The following KCP variants were observed in gnomAD, a reference collection of about 807,000 sequenced individuals.
KCP encodes kielin/chordin-like protein.
KCP carries 194 observed loss-of-function variants against 212.7 expected under a neutral mutation model. The observed-to-expected ratio is 0.91, with a 90% CI of 0.81 to 1.03. The LOEUF (loss-of-function observed/expected upper bound fraction) is 1.03, where lower values mean the gene tolerates loss of function less well. Ranked by LOEUF, KCP falls within the 50% of genes least tolerant of loss-of-function variation. The pLI is 0.00. For synonymous variants in KCP, 833 were observed against 865.3 expected, an observed-to-expected ratio of 0.96 and a Z score of 0.65; for missense variants, 2,080 against 2,162.5, an observed-to-expected ratio of 0.96 and a Z score of 0.76.
At chr7:128,887,036 G>T in intron 23 of KCP, 70 bp from the exon 24 acceptor site, 1 of 1,022,150 alleles carries the variant, frequency 9.8e-7, no homozygotes, top group Non-Finnish European at 1.5e-6. Flanking sequence ...CCCCTACTGA[G>T]CCTGCAGGGG....
intron 37 of KCP, chr7:128,879,021 G>A (rs1490803800): frequency 2.5e-5 from 11 of 438,056 alleles, no homozygotes; most frequent in South Asian, 4.0e-5. Flanking sequence ...ACCCCCTTCC[G>A]GGGATTCACT....
At chr7:128,877,849 C>A in intron 38 of KCP, 59 bp from the exon 39 acceptor site, 1 of 1,451,886 alleles carries the variant, frequency 6.9e-7, no homozygotes, top group South Asian at 1.3e-5. Flanking sequence ...CTCTGCATGC[C>A]GTGCTCTTCA....
rs1405647673 is a variant in KCP at position 128,891,176 on chromosome 7, G to C, written c.1972+9C>G. On this transcript the variant is annotated intron_variant, in intron 19 of 39. Transcript: ENST00000610776. ...CCAGGGAGGAGCAGCCGAGGGGTGC[G>C]GCCCCTACCTGGGCACTGCGGGCAG... 2 of 1,541,836 alleles carry C rather than the reference G, an allele frequency of 1.3e-6. No individual in the cohort carries two copies. Among genetic ancestry groups the C allele is most frequent in the Non-Finnish European group, 1.7e-6 (2 of 1,146,326 alleles).
Position 128,883,994 on chromosome 7 carries a change from G to A in KCP, c.3244+8C>T. The A allele has an allele frequency of 1.3e-6, 2 of 1,548,006 alleles. No homozygotes were observed. The highest frequency in any genetic ancestry group is 8.7e-7 in the Non-Finnish European group (1 of 1,146,088). ...ATATCTCATCTACCCCCACATCCCT[G>A]GACTCACCGGCACAGGTGGGACAGC... On this transcript the variant is annotated splice_region_variant and intron_variant, in intron 29 of 39. Transcript: ENST00000610776.
intron 8 of KCP, 34 bp downstream of exon 8, chr7:128,902,743 A>G (rs1364679955): frequency 6.5e-7 from 1 of 1,529,854 alleles, no homozygotes; most frequent in Admixed American, 2.0e-5. Flanking sequence ...GAGGGCAGGG[A>G]GGGGGACAGA....
rs1431804539 is a variant in KCP at position 128,906,321 on chromosome 7, G to C, written c.529C>G (p.Pro177Ala). Reference protein sequence around the residue: ...TCNQKPCPRGPCPEPGACCPH... With the variant: ...TCNQKPCPRGACPEPGACCPH... ...CAGCATGCTCCTGGCTCAGGGCAGG[G>C]TCCTCTTGGGCATGGCTTCTGGTTG... Residue 177 changes from proline (P) to alanine (A), a missense_variant, in exon 5 of 40, where the codon CCC (proline) becomes GCC (alanine). By Grantham distance (27) the Pro-to-Ala change is conservative. Coordinates refer to ENST00000610776, the MANE Select transcript of KCP (RefSeq NM_001366122.1). 1 of 1,550,712 alleles carries C rather than the reference G, an allele frequency of 6.4e-7. No individual in the cohort carries two copies. Among genetic ancestry groups the C allele is most frequent in the Admixed American group, 2.0e-5 (1 of 51,008 alleles).
At position 128,882,003 on chromosome 7, in the gene KCP, G is replaced by A. The variant is rs1793363616; in HGVS notation, c.3258C>T (p.Asn1086=). ...CCPTCAEALS[N]CSEGLLGSEL... is the part of the protein sequence containing the mutation. ...CAGATCCCAGCAGGCCCTCTGAACA[G>A]TTACTCAAGGCCTCTGTGAAGACAA... The change falls in exon 30 of 40, where the codon AAC becomes AAT. Residue 1086 remains asparagine (N), a synonymous_variant. Transcript: ENST00000610776. The A allele has an allele frequency of 3.2e-6, 5 of 1,551,192 alleles. No individual in the cohort carries two copies. The highest frequency in any genetic ancestry group is 4.4e-6 in the Non-Finnish European group (5 of 1,146,900).
Position 128,889,058 on chromosome 7 carries a change from A to G in KCP, c.2336-19T>C. 1.4e-6 allele frequency: 2 copies of G among 1,473,598 alleles called. No homozygotes were observed. Among genetic ancestry groups the G allele is most frequent in the Non-Finnish European group, 1.8e-6 (2 of 1,105,720 alleles). The allele number at this position is 1,473,598 out of a possible 1,614,324, so 91.3% of individuals were successfully genotyped here. A position where few individuals can be genotyped will look rare whatever the true frequency, so the allele number is the denominator to read the frequency against. ...TCACAGCCTTTCAGAGAAGAGACAG[A>G]GAGGCCGAGGGGAGGGACAGAAAGG... On this transcript the variant is annotated intron_variant, in intron 21 of 39. Coordinates refer to ENST00000610776, the MANE Select transcript of KCP (RefSeq NM_001366122.1).
At chr7:128,888,578 G>A (rs1242716067) in intron 22 of KCP, among the ~76,000 whole-genome samples, 1 of 104,312 alleles carries the variant, frequency 9.6e-6, no homozygotes, top group Non-Finnish European at 2.0e-5. Flanking sequence ...ATATACACAC[G>A]GCCACACACA....
chr7:128,902,338 A>C (rs778538116), intron 8 of KCP, among the ~76,000 whole-genome samples: 1 of 152,248 alleles, frequency 6.6e-6, no homozygotes, highest in Admixed American at 6.5e-5. Flanking sequence ...TTTCATAGGA[A>C]GTCTTTGAAA....
At chr7:128,882,975 G>A (rs1433030226) in intron 29 of KCP, among the ~76,000 whole-genome samples, 1 of 152,008 alleles carries the variant, frequency 6.6e-6, no homozygotes, top group African/African-American at 2.4e-5. Flanking sequence ...GGGAGGCTGA[G>A]GCAGGTGAAT....
At chr7:128,886,805 C>A (rs1793676875) in intron 24 of KCP, 68 bp from the exon 25 acceptor site, 2 of 1,482,700 alleles carry the variant, frequency 1.3e-6, no homozygotes, top group Admixed American at 4.0e-5. Flanking sequence ...AGCCTTAGGC[C>A]TGGCAGGAAG....
At chr7:128,895,071 G>A (rs1441205380) in intron 8 of KCP, among the ~76,000 whole-genome samples, 1 of 152,164 alleles carries the variant, frequency 6.6e-6, no homozygotes, top group Non-Finnish European at 1.5e-5. Context: ...CCTCCTCACA[G>A]TCCCAGAAGG....
At chr7:128,890,008 A>G in intron 21 of KCP, 2 of 280,022 alleles carry the variant, frequency 7.1e-6, no homozygotes, top group Non-Finnish European at 1.3e-5. Context: ...GGTTCACTGT[A>G]GCCTCAAACT....
rs925084205 is a variant in KCP at position 128,908,548 on chromosome 7, G to C, written c.97C>G (p.Pro33Ala). The change falls in exon 2 of 40, where the codon CCC (proline) becomes GCC (alanine). Residue 33 changes from proline (P) to alanine (A), a missense_variant. Physicochemically the swap from Pro to Ala is conservative, Grantham distance 27 (BLOSUM62 -1). Coordinates refer to ENST00000610776, the MANE Select transcript of KCP (RefSeq NM_001366122.1). ...GAEGGAVPREPPGQQTTAHSS... is the reference protein window; with the variant it reads ...GAEGGAVPREAPGQQTTAHSS... Reference sequence around the variant, plus strand: ...TGGGCAGTTGTCTGCTGCCCAGGGGGCTCCCTGGGGACAGCCCCACCTGAA... The same window carrying C: ...TGGGCAGTTGTCTGCTGCCCAGGGGCCTCCCTGGGGACAGCCCCACCTGAA... 1.3e-6 allele frequency: 2 copies of C among 1,551,014 alleles called. No homozygotes were observed. The highest frequency in any genetic ancestry group is 1.4e-5 in the African/African-American group (1 of 73,034).
At chr7:128,901,940 T>G (rs1794871940) in intron 8 of KCP, among the ~76,000 whole-genome samples, 1 of 152,232 alleles carries the variant, frequency 6.6e-6, no homozygotes, top group African/African-American at 2.4e-5. Flanking sequence ...GCTCAAATCC[T>G]ACTTACCCTT....
chr7:128,906,168 T>C, intron 5 of KCP, 111 bp downstream of exon 5: 1 of 869,196 alleles, frequency 1.2e-6, no homozygotes, highest in Non-Finnish European at 1.9e-6. Context: ...ACTGTCAGAG[T>C]GAGTGGGTAG....
Position 128,910,692 on chromosome 7 carries a change from CTCGGCTCGCCG to C in KCP, c.-27_-17del, listed in dbSNP as rs768781794. ...CCCCGGCCATGCTAGCTCCGCCTCGCTCGGCTCGCCGTCTGTCGTCGCGGCTCAGCAGGCGC... is the reference window on the plus strand; with the variant it reads ...CCCCGGCCATGCTAGCTCCGCCTCGCTCTGTCGTCGCGGCTCAGCAGGCGC... On this transcript the variant is annotated 5_prime_UTR_variant, in exon 1 of 40. Transcript: ENST00000610776. 1 of 1,481,710 alleles carries C rather than the reference CTCGGCTCGCCG, an allele frequency of 6.7e-7. No individual in the cohort carries two copies. Among genetic ancestry groups the C allele is most frequent in the South Asian group, 1.3e-5 (1 of 77,456 alleles). The allele number at this position is 1,481,710 out of a possible 1,614,324, so 91.8% of individuals were successfully genotyped here.
chr7:128,891,828 T>A lies in KCP; in HGVS notation c.1622-9A>T. 1 of 1,438,850 alleles carries A rather than the reference T, an allele frequency of 6.9e-7. No homozygotes were observed. Among genetic ancestry groups the A allele is most frequent in the South Asian group, 1.5e-5 (1 of 66,078 alleles). 89.1% of individuals were successfully genotyped at this position (1,438,850 alleles called of 1,614,324 possible). A position where few individuals can be genotyped will look rare whatever the true frequency, so the allele number is the denominator to read the frequency against. ...TTCCTCCAGGATGCAGTCTGGGCAG[T>A]GGATGGTGGGGGCAGGTATGAGGGC... On this transcript the variant is annotated splice_polypyrimidine_tract_variant and intron_variant, in intron 16 of 39. Transcript: ENST00000610776.
Sources: allele counts gnomAD v4.1 joint callset (sites outside exome capture counted in the v4.1 genomes callset), GRCh38; gene constraint gnomAD v4.1.1; transcripts MANE v1.5; gene names NCBI Gene and HGNC (gene_info 2026-07-23, HGNC 2026-07-21).